The following PDE1C variants were observed in gnomAD, a reference collection of about 807,000 sequenced individuals.
PDE1C encodes phosphodiesterase 1C.
A neutral mutation model predicts 93.1 loss-of-function variants in PDE1C; 62 were observed. That is an observed-to-expected ratio of 0.67 (90% CI 0.54 to 0.82). PDE1C has a LOEUF of 0.82. Among genes scored for constraint, PDE1C ranks in the 40% least tolerant of loss-of-function variants. PDE1C has a pLI of 0.00. For synonymous variants in PDE1C, 325 were observed against 310.1 expected, an observed-to-expected ratio of 1.05 and a Z score of -0.50; for missense variants, 742 against 884.6, an observed-to-expected ratio of 0.84 and a Z score of 2.04.
chr7:32,240,549 G>A (rs1485154923), intron 1 of PDE1C, among the ~76,000 whole-genome samples: 4 of 152,186 alleles, frequency 2.6e-5, no homozygotes, highest in Non-Finnish European at 5.9e-5. Context: ...CAAAGTCTCT[G>A]ACACAGAAAC....
chr7:31,967,434 T>A (rs1334284054), intron 2 of PDE1C, among the ~76,000 whole-genome samples: 4 of 150,584 alleles, frequency 2.7e-5, no homozygotes, highest in Admixed American at 6.6e-5. Flanking sequence ...TCTGAATAGA[T>A]CAATAACAGG....
chr7:31,638,107 A>G, the PDE1C span, among the ~76,000 whole-genome samples: 1 of 152,230 alleles, frequency 6.6e-6, no homozygotes, highest in Admixed American at 6.5e-5. Context: ...CTGAAAAAAC[A>G]TTTAAAGTTC....
intron 2 of PDE1C, among the ~76,000 whole-genome samples, chr7:31,913,208 A>T (rs1182899658): frequency 6.6e-6 from 1 of 152,136 alleles, no homozygotes; most frequent in Admixed American, 6.6e-5. Flanking sequence ...ACTTTCTTCC[A>T]TGTTATTTAC....
At chr7:32,395,159 A>G (rs146297476) in intron 1 of PDE1C, among the ~76,000 whole-genome samples, 1 of 152,370 alleles carries the variant, frequency 6.6e-6, no homozygotes, top group Non-Finnish European at 1.5e-5. Context: ...AGCACATGCT[A>G]TGTGCCAAGA....
chr7:31,883,904 C>T (rs1319186518), intron 2 of PDE1C, among the ~76,000 whole-genome samples: 2 of 152,200 alleles, frequency 1.3e-5, no homozygotes, highest in African/African-American at 4.8e-5. Flanking sequence ...AGACATTAGG[C>T]AGTCACATTT....
At chr7:32,233,867 A>G (rs868573637) in intron 1 of PDE1C, among the ~76,000 whole-genome samples, 1 of 152,056 alleles carries the variant, frequency 6.6e-6, no homozygotes, top group East Asian at 1.9e-4. Context: ...CTAGCAGAAC[A>G]GAACATTCAT....
chr7:32,333,119 A>G (rs1783546165), intron 1 of PDE1C, among the ~76,000 whole-genome samples: 1 of 152,274 alleles, frequency 6.6e-6, no homozygotes, highest in African/African-American at 2.4e-5. Flanking sequence ...ATAAATAACC[A>G]AAACCATAGT....
chr7:32,119,165 C>A (rs1215122716), intron 3 of PDE1C, among the ~76,000 whole-genome samples: 1 of 152,170 alleles, frequency 6.6e-6, no homozygotes, highest in African/African-American at 2.4e-5. Context: ...TCTATTTATG[C>A]TCAAATTCCA....
intron 11 of PDE1C, among the ~76,000 whole-genome samples, chr7:31,829,825 T>A (rs1562879127): frequency 6.6e-6 from 1 of 152,204 alleles, no homozygotes; most frequent in African/African-American, 2.4e-5. Flanking sequence ...CTAGGTGATA[T>A]GTAGAAAAGG....
At chr7:31,894,237 G>C (rs1276356107) in intron 2 of PDE1C, among the ~76,000 whole-genome samples, 1 of 152,198 alleles carries the variant, frequency 6.6e-6, no homozygotes, top group Admixed American at 6.5e-5. Flanking sequence ...TCGATCGAGT[G>C]TTTCTTGAGA....
chr7:32,143,859 G>A (rs1253342890), intron 3 of PDE1C, among the ~76,000 whole-genome samples: 1 of 152,188 alleles, frequency 6.6e-6, no homozygotes, highest in African/African-American at 2.4e-5. Context: ...TAAAGAGCCA[G>A]AAATTCTAAC....
intron 6 of PDE1C, among the ~76,000 whole-genome samples, chr7:31,871,010 T>G (rs1177424238): frequency 6.6e-6 from 1 of 151,548 alleles, no homozygotes; most frequent in Non-Finnish European, 1.5e-5. Flanking sequence ...AATAGTATTT[T>G]CTGGTATTAG....
intron 1 of PDE1C, among the ~76,000 whole-genome samples, chr7:32,306,636 T>C (rs549466971): frequency 2.5e-4 from 38 of 152,354 alleles, no homozygotes; most frequent in South Asian, 2.1e-3. Context: ...AGTCATGTCT[T>C]TCCTTTGCCT....
intron 3 of PDE1C, among the ~76,000 whole-genome samples, chr7:32,105,435 G>T (rs1449917887): frequency 2.0e-5 from 3 of 151,676 alleles, no homozygotes; most frequent in African/African-American, 7.2e-5. Context: ...ATCTGATGAA[G>T]AATCAGATAT....
intron 3 of PDE1C, among the ~76,000 whole-genome samples, chr7:32,114,296 A>G (rs1408046873): frequency 6.6e-6 from 1 of 152,200 alleles, no homozygotes; most frequent in Non-Finnish European, 1.5e-5. Flanking sequence ...GGAACAGAAC[A>G]GAGGCCTCAG....
At chr7:32,383,250 A>C (rs916134943) in intron 1 of PDE1C, among the ~76,000 whole-genome samples, 2 of 152,328 alleles carry the variant, frequency 1.3e-5, no homozygotes, top group South Asian at 2.1e-4. Flanking sequence ...GCCATAAGTA[A>C]CAATCACAAG....
chr7:32,108,087 G>T (rs974820602), intron 3 of PDE1C, among the ~76,000 whole-genome samples: 4 of 151,520 alleles, frequency 2.6e-5, no homozygotes, highest in Non-Finnish European at 4.4e-5. Flanking sequence ...AGATAAAAAT[G>T]AAACACAGAA....
intron 2 of PDE1C, among the ~76,000 whole-genome samples, chr7:31,938,736 C>T (rs1468737622): frequency 1.3e-5 from 2 of 152,136 alleles, no homozygotes; most frequent in African/African-American, 4.8e-5. Context: ...GCACATAAAA[C>T]TATTCAATAA....
chr7:32,299,029 C>T, exon 1 of PDE1C: 1 of 1,203,192 alleles, frequency 8.3e-7, no homozygotes, highest in Non-Finnish European at 1.0e-6. Flanking sequence ...AGGACGCGCG[C>T]CCGAGCGCGT....
Sources: allele counts gnomAD v4.1 joint callset (sites outside exome capture counted in the v4.1 genomes callset), GRCh38; gene constraint gnomAD v4.1.1; transcripts MANE v1.5; gene names NCBI Gene and HGNC (gene_info 2026-07-23, HGNC 2026-07-21).